RAB3B: variants seen among roughly 807,000 people sequenced by gnomAD.
RAB3B encodes the protein ras-related protein Rab-3B.
RAB3B carries 11 observed loss-of-function variants against 20.5 expected under a neutral mutation model. The ratio of observed to expected loss-of-function variants is 0.54; its 90% CI spans 0.34 to 0.89. The LOEUF is 0.89. Among genes scored for constraint, RAB3B ranks in the 40% least tolerant of loss-of-function variants. The pLI, the probability that RAB3B is intolerant of heterozygous loss-of-function variation, is 0.02. For missense variants in RAB3B, 225 were observed against 280.9 expected, an observed-to-expected ratio of 0.80 and a Z score of 1.42; for synonymous variants, 99 against 106.3, an observed-to-expected ratio of 0.93 and a Z score of 0.42.
intron 4 of RAB3B, among the ~76,000 whole-genome samples, chr1:51,930,381 G>A (rs1418603364): frequency 1.3e-5 from 2 of 152,190 alleles, no homozygotes; most frequent in African/African-American, 4.8e-5. Context: ...ATAGTGCCTT[G>A]TTCAATATAT....
At chr1:51,928,335 G>A (rs981890872) in intron 4 of RAB3B, among the ~76,000 whole-genome samples, 6 of 152,132 alleles carry the variant, frequency 3.9e-5, no homozygotes, top group Non-Finnish European at 7.3e-5. Flanking sequence ...TCGAACTCCC[G>A]ACCTCAGGTG....
chr1:51,965,008 T>C (rs1459345368), intron 2 of RAB3B, among the ~76,000 whole-genome samples: 1 of 152,134 alleles, frequency 6.6e-6, no homozygotes, highest in Admixed American at 6.5e-5. Flanking sequence ...CCAAGGCTGG[T>C]GGATTACTTA....
chr1:51,962,393 C>T (rs1256055831), intron 2 of RAB3B, among the ~76,000 whole-genome samples: 1 of 152,138 alleles, frequency 6.6e-6, no homozygotes, highest in African/African-American at 2.4e-5. Context: ...AAGAGGGATG[C>T]CAGGCATTCA....
Position 51,911,249 on chromosome 1 carries a change from G to A in RAB3B, c.*8678C>T, listed in dbSNP as rs903998389. The A allele has an allele frequency of 6.6e-6, 1 of 152,186 alleles. No individual in the cohort carries two copies. Among genetic ancestry groups the A allele is most frequent in the Non-Finnish European group, 1.5e-5 (1 of 68,054 alleles). The allele number at this position is 152,186 out of a possible 1,614,324, so 9.4% of individuals were successfully genotyped here. A position where few individuals can be genotyped will look rare whatever the true frequency, so the allele number is the denominator to read the frequency against. On this transcript the variant is annotated 3_prime_UTR_variant, in exon 5 of 5. Transcript: ENST00000371655. ...TCCATGGAGAACTGCTTCTCACCTT[G>A]AGAAATCCCTCTTCTTCGTTCCTTC... is the stretch of plus-strand genomic sequence containing the variant.
At position 51,909,534 on chromosome 1, in the gene RAB3B, A is replaced by C. The variant is rs959654751; in HGVS notation, c.*10393T>G. 6.6e-6 allele frequency: 1 copy of C among 151,978 alleles called. No individual in the cohort carries two copies. Among genetic ancestry groups the C allele is most frequent in the Non-Finnish European group, 1.5e-5 (1 of 67,990 alleles). 9.4% of individuals were successfully genotyped at this position (151,978 alleles called of 1,614,324 possible). A position where few individuals can be genotyped will look rare whatever the true frequency, so the allele number is the denominator to read the frequency against. ...GCACCTCTAACAAAGGCTCTGGAGCACTCTAAACTCTCATTCTGGGCTCAT... is the reference window on the plus strand; with the variant it reads ...GCACCTCTAACAAAGGCTCTGGAGCCCTCTAAACTCTCATTCTGGGCTCAT... On this transcript the variant is annotated 3_prime_UTR_variant, in exon 5 of 5. Coordinates refer to ENST00000371655, the MANE Select transcript of RAB3B (RefSeq NM_002867.4).
At chr1:51,947,635 C>A (rs770258598) in intron 2 of RAB3B, among the ~76,000 whole-genome samples, 2 of 152,144 alleles carry the variant, frequency 1.3e-5, no homozygotes, top group Non-Finnish European at 2.9e-5. Flanking sequence ...TGTGATCCAA[C>A]ACACACTCTT....
intron 2 of RAB3B, among the ~76,000 whole-genome samples, chr1:51,941,024 C>T (rs1360047082): frequency 1.3e-5 from 2 of 152,040 alleles, no homozygotes; most frequent in Non-Finnish European, 2.9e-5. Flanking sequence ...AGGAGGAAAA[C>T]TGGGACTATA....
At chr1:51,930,715 C>T (rs186063772) in intron 4 of RAB3B, among the ~76,000 whole-genome samples, 1 of 152,238 alleles carries the variant, frequency 6.6e-6, no homozygotes, top group Non-Finnish European at 1.5e-5. Flanking sequence ...ACCAATTCAC[C>T]TTTAAAAAAT....
In RAB3B at chr1:51,967,013, T is replaced by C. The variant is rs12073944; in HGVS notation, c.228+9877A>G. Among the ~76,000 whole-genome samples, 521 of 152,246 alleles carry C rather than the reference T, an allele frequency of 3.4e-3. 2 individuals carry two copies. The highest frequency in any genetic ancestry group is 0.012 in the African/African-American group (497 of 41,560). ...CACTCTGAGCCTCAGCCTCCTCCTGTCTAAAATGAAAGACTGAGGCTGGGC... is the reference window on the plus strand; with the variant it reads ...CACTCTGAGCCTCAGCCTCCTCCTGCCTAAAATGAAAGACTGAGGCTGGGC... On this transcript the variant is annotated intron_variant, in intron 2 of 4. Coordinates refer to ENST00000371655, the MANE Select transcript of RAB3B (RefSeq NM_002867.4).
intron 2 of RAB3B, among the ~76,000 whole-genome samples, chr1:51,951,275 T>C (rs1439748603): frequency 6.6e-6 from 1 of 152,152 alleles, no homozygotes; most frequent in Non-Finnish European, 1.5e-5. Context: ...TAGTACCCAA[T>C]GGGCAGTTTT....
rs1404299913 is a variant in RAB3B, at chr1:51,919,618, T to A, written c.*309A>T. The A allele has an allele frequency of 3.9e-6, 1 of 254,922 alleles. No homozygotes were observed. The highest frequency in any genetic ancestry group is 7.4e-6 in the Non-Finnish European group (1 of 134,284). 15.8% of individuals were successfully genotyped at this position (254,922 alleles called of 1,614,324 possible). A position where few individuals can be genotyped will look rare whatever the true frequency, so the allele number is the denominator to read the frequency against. ...TTTGGTAAATGGAGGAACTCTCATT[T>A]TAAAGGCAGAAAAGAGACTGTTCTC... On this transcript the variant is annotated 3_prime_UTR_variant, in exon 5 of 5. Transcript: ENST00000371655.
At chr1:51,963,970 TACGA>T (rs1453382455) in intron 2 of RAB3B, among the ~76,000 whole-genome samples, 2 of 152,158 alleles carry the variant, frequency 1.3e-5, no homozygotes, top group Non-Finnish European at 2.9e-5. Flanking sequence ...TCTACCACCA[TACGA>T]ACGTGCTGCT....
chr1:51,989,822 T>A (rs1237000294), intron 1 of RAB3B, among the ~76,000 whole-genome samples: 1 of 126,304 alleles, frequency 7.9e-6, no homozygotes, highest in Non-Finnish European at 1.6e-5. Context: ...TCGTCTTCCA[T>A]CTACAGTTAC....
Position 51,912,542 on chromosome 1 carries a change from T to TAAAAAAAAA in RAB3B, c.*7376_*7384dup, listed in dbSNP as rs61590258. On this transcript the variant is annotated 3_prime_UTR_variant, in exon 5 of 5. Transcript: ENST00000371655. ...GGCAACATAGCAAGACCGTCTCTAT[T>TAAAAAAAAA]AAAAAAAAAAAAATATATATATATA... 25 of 6,386 alleles carry TAAAAAAAAA rather than the reference T, an allele frequency of 3.9e-3. 6 individuals carry two copies. Among genetic ancestry groups the TAAAAAAAAA allele is most frequent in the African/African-American group, 0.012 (15 of 1,254 alleles). The allele number at this position is 6,386 out of a possible 1,614,324, so 0.4% of individuals were successfully genotyped here.
Position 51,910,598 on chromosome 1 carries a change from C to G in RAB3B, c.*9329G>C, listed in dbSNP as rs949833272. 1.3e-5 allele frequency: 2 copies of G among 152,160 alleles called. No homozygotes were observed. Among genetic ancestry groups the G allele is most frequent in the Admixed American group, 6.5e-5 (1 of 15,268 alleles). The allele number at this position is 152,160 out of a possible 1,614,324, so 9.4% of individuals were successfully genotyped here. On this transcript the variant is annotated 3_prime_UTR_variant, in exon 5 of 5. Transcript: ENST00000371655. ...GGTCACACAGCCTTGGCTCTTTTCA[C>G]TGTACCCGAAAAGAAAGGAAGCTTT...
chr1:51,936,827 T>A (rs1684410922), intron 3 of RAB3B, among the ~76,000 whole-genome samples: 1 of 152,024 alleles, frequency 6.6e-6, no homozygotes, highest in Admixed American at 6.5e-5. Context: ...TCTTTTTTTT[T>A]TTTTAAGATA....
intron 2 of RAB3B, among the ~76,000 whole-genome samples, chr1:51,963,845 A>G (rs1684813860): frequency 6.6e-6 from 1 of 152,094 alleles, no homozygotes. Flanking sequence ...ATGTAATCCT[A>G]TCCCCTCTCC....
At chr1:51,965,068 A>C (rs1195487843) in intron 2 of RAB3B, among the ~76,000 whole-genome samples, 1 of 151,730 alleles carries the variant, frequency 6.6e-6, no homozygotes, top group Non-Finnish European at 1.5e-5. Flanking sequence ...TACTAAAAAT[A>C]CAAAAATTAG....
At chr1:51,971,171 G>A (rs1195846262) in intron 2 of RAB3B, among the ~76,000 whole-genome samples, 1 of 151,572 alleles carries the variant, frequency 6.6e-6, no homozygotes, top group Non-Finnish European at 1.5e-5. Flanking sequence ...AACCTATGAG[G>A]CTTTAATAGT....
Sources: gnomAD v4.1 joint callset for allele counts (sites outside exome capture counted in the v4.1 genomes callset) on GRCh38, gnomAD v4.1.1 for gene constraint, MANE v1.5 for transcripts, NCBI Gene and HGNC (gene_info 2026-07-23, HGNC 2026-07-21) for gene names.